PIEZO2: variants seen among roughly 807,000 people sequenced by gnomAD.
The protein encoded by PIEZO2 is piezo-type mechanosensitive ion channel component 2.
Under a neutral mutation model 337.3 loss-of-function variants are expected in PIEZO2, and 172 were observed. The observed-to-expected ratio is 0.51, with a 90% CI of 0.45 to 0.58. The LOEUF is 0.58. Ranked by LOEUF, PIEZO2 falls within the 20% of genes least tolerant of loss-of-function variation. The pLI, the probability that PIEZO2 is intolerant of heterozygous loss-of-function variation, is 0.00. For missense variants in PIEZO2, 3,028 were observed against 3,391.3 expected (o/e 0.89, Z 2.66); for synonymous variants, 1,251 against 1,228.5 (o/e 1.02, Z -0.38).
rs2040258028 is a variant in PIEZO2 at position 10,813,343 on chromosome 18, A to C, written c.918-6069T>G. ...ATTACACTCATATTGTTGCGAAACC[A>C]ATCGCCAGAACTTTTTCATCTTGCA... On this transcript the variant is annotated intron_variant, in intron 7 of 55. Coordinates refer to ENST00000674853, the MANE Select transcript of PIEZO2 (RefSeq NM_001378183.1). The surrounding 1 kb of genome is among the most constrained non-coding windows in gnomAD (Gnocchi z 4.2). 6.6e-6 allele frequency among the ~76,000 whole-genome samples: 1 copy of C among 152,198 alleles called. No homozygotes were observed. The highest frequency in any genetic ancestry group is 2.4e-5 in the African/African-American group (1 of 41,446).
intron 4 of PIEZO2, among the ~76,000 whole-genome samples, chr18:10,883,175 G>C (rs1229384632): frequency 6.6e-6 from 1 of 152,120 alleles, no homozygotes; most frequent in Non-Finnish European, 1.5e-5. Context: ...TCTGTTGATG[G>C]ACACAGGTTG....
In PIEZO2 at chr18:11,126,427, G is replaced by T. The variant is rs1359374900; in HGVS notation, c.64+22098C>A. On this transcript the variant is annotated intron_variant, in intron 1 of 55. Coordinates refer to ENST00000674853, the MANE Select transcript of PIEZO2 (RefSeq NM_001378183.1). This position sits in a 1 kb window ranked among gnomAD's most constrained non-coding sequence, Gnocchi z 4.6. ...ACTGTTCCATCTTACTGTCCCCTAGGCCTGGTAAAGGGCACTCCTCACACA... is the reference window on the plus strand; with the variant it reads ...ACTGTTCCATCTTACTGTCCCCTAGTCCTGGTAAAGGGCACTCCTCACACA... Among the ~76,000 whole-genome samples, 5 of 152,032 alleles carry T rather than the reference G, an allele frequency of 3.3e-5. No homozygotes were observed. Among genetic ancestry groups the T allele is most frequent in the Admixed American group, 3.3e-4 (5 of 15,262 alleles).
At chr18:10,998,781 G>A (rs2035426577) in intron 2 of PIEZO2, among the ~76,000 whole-genome samples, 1 of 150,572 alleles carries the variant, frequency 6.6e-6, no homozygotes, top group Non-Finnish European at 1.5e-5. Flanking sequence ...AATAAGGAAA[G>A]GAAGTAGAGT....
chr18:10,764,582 T>C (rs1356218843), intron 21 of PIEZO2, among the ~76,000 whole-genome samples: 1 of 121,728 alleles, frequency 8.2e-6, no homozygotes, highest in Non-Finnish European at 1.6e-5. Flanking sequence ...AGAGTGACAC[T>C]ACGTCTCAAA....
Position 11,101,893 on chromosome 18 carries a change from C to A in PIEZO2, c.65-35671G>T, listed in dbSNP as rs2039431680. ...TACTTATAAGCTATCAAATTTGAAA[C>A]CACACACTAATTTGTAACATGAGTA... On this transcript the variant is annotated intron_variant, in intron 1 of 55. Coordinates refer to ENST00000674853, the MANE Select transcript of PIEZO2 (RefSeq NM_001378183.1). The surrounding 1 kb of genome is among the most constrained non-coding windows in gnomAD (Gnocchi z 4.4). Among the ~76,000 whole-genome samples the A allele has an allele frequency of 6.6e-6, 1 of 152,152 alleles. No individual in the cohort carries two copies. Among genetic ancestry groups the A allele is most frequent in the African/African-American group, 2.4e-5 (1 of 41,416 alleles).
Position 10,726,815 on chromosome 18 carries a change from T to G in PIEZO2, c.5029+4592A>C. 2 of 1,567,606 alleles carry G rather than the reference T, an allele frequency of 1.3e-6. No homozygotes were observed. Among genetic ancestry groups the G allele is most frequent in the Non-Finnish European group, 1.7e-6 (2 of 1,143,162 alleles). ...GTGGACCACCTGCGGCCCCATGGGG[T>G]GCTGGATAATACCCGGATGCCCCAC... is the stretch of plus-strand genomic sequence containing the variant. On this transcript the variant is annotated intron_variant, in intron 36 of 55. Transcript: ENST00000674853. The surrounding 1 kb of genome is among the most constrained non-coding windows in gnomAD (Gnocchi z 5.9).
At chr18:11,118,474 A>C (rs2039947641) in intron 1 of PIEZO2, among the ~76,000 whole-genome samples, 1 of 152,262 alleles carries the variant, frequency 6.6e-6, no homozygotes, top group African/African-American at 2.4e-5. Context: ...AGAACATTAT[A>C]GAAAATAGTA....
In PIEZO2 at chr18:10,942,389, G is replaced by A. The variant is rs1164360565; in HGVS notation, c.287-31161C>T. On this transcript the variant is annotated intron_variant, in intron 3 of 55. Coordinates refer to ENST00000674853, the MANE Select transcript of PIEZO2 (RefSeq NM_001378183.1). This position sits in a 1 kb window ranked among gnomAD's most constrained non-coding sequence, Gnocchi z 4.4. ...TAATGATATGAGCAATGAAATCCAG[G>A]CTGAGGTGGTCTCAGATGTAGATGA... Among the ~76,000 whole-genome samples, 1 of 152,210 alleles carries A rather than the reference G, an allele frequency of 6.6e-6. No homozygotes were observed. Among genetic ancestry groups the A allele is most frequent in the Non-Finnish European group, 1.5e-5 (1 of 68,030 alleles).
At chr18:10,880,657 G>A (rs1598621773) in intron 4 of PIEZO2, among the ~76,000 whole-genome samples, 1 of 151,780 alleles carries the variant, frequency 6.6e-6, no homozygotes, top group East Asian at 1.9e-4. Context: ...CTGTTAAGAT[G>A]GTTCCCTAGT....
In PIEZO2 at chr18:10,870,443, C is replaced by T. The variant is rs761526664; in HGVS notation, c.492+810G>A. Reference sequence around the variant, plus strand: ...CTTGCAAGCGTTTTGCATCAAATGTCCAAATAAAATAGTCACTTTTTCCTT... The same window carrying T: ...CTTGCAAGCGTTTTGCATCAAATGTTCAAATAAAATAGTCACTTTTTCCTT... On this transcript the variant is annotated intron_variant, in intron 5 of 55. Coordinates refer to ENST00000674853, the MANE Select transcript of PIEZO2 (RefSeq NM_001378183.1). This position sits in a 1 kb window ranked among gnomAD's most constrained non-coding sequence, Gnocchi z 5.3. Among the ~76,000 whole-genome samples the T allele has an allele frequency of 1.4e-4, 21 of 152,156 alleles. No individual in the cohort carries two copies. Among genetic ancestry groups the T allele is most frequent in the Admixed American group, 5.2e-4 (8 of 15,276 alleles).
At position 11,092,365 on chromosome 18, in the gene PIEZO2, C is replaced by G. The variant is rs2039118246; in HGVS notation, c.65-26143G>C. On this transcript the variant is annotated intron_variant, in intron 1 of 55. Coordinates refer to ENST00000674853, the MANE Select transcript of PIEZO2 (RefSeq NM_001378183.1). The surrounding 1 kb of genome is among the most constrained non-coding windows in gnomAD (Gnocchi z 4.5). ...TAATAAATACAGAAAACTAAAAATACTATATTCCATGTGATTCAATTTTAT... is the reference window on the plus strand; with the variant it reads ...TAATAAATACAGAAAACTAAAAATAGTATATTCCATGTGATTCAATTTTAT... Among the ~76,000 whole-genome samples, 1 of 152,114 alleles carries G rather than the reference C, an allele frequency of 6.6e-6. No homozygotes were observed. Among genetic ancestry groups the G allele is most frequent in the Admixed American group, 6.5e-5 (1 of 15,274 alleles).
intron 3 of PIEZO2, among the ~76,000 whole-genome samples, chr18:10,955,264 T>C (rs796284624): frequency 1.3e-5 from 2 of 152,188 alleles, no homozygotes; most frequent in Non-Finnish European, 2.9e-5. Flanking sequence ...AAAAGGACTT[T>C]AGGAAGAGCA....
At chr18:10,950,513 A>C (rs1213346293) in intron 3 of PIEZO2, among the ~76,000 whole-genome samples, 1 of 152,234 alleles carries the variant, frequency 6.6e-6, no homozygotes, top group Non-Finnish European at 1.5e-5. Context: ...TCACCGGGTG[A>C]ATATTACTTG....
At position 10,716,944 on chromosome 18, in the gene PIEZO2, G is replaced by C. The variant is rs2036034603; in HGVS notation, c.5090-1128C>G. On this transcript the variant is annotated intron_variant, in intron 37 of 55. Transcript: ENST00000674853. This position sits in a 1 kb window ranked among gnomAD's most constrained non-coding sequence, Gnocchi z 4.1. The stretch of plus-strand genomic sequence containing the variant: ...GCTGCAGCCACCGCACTGGAGACGT[G>C]AATCACAGGCGCTTTGTGAACCTGG... Among the ~76,000 whole-genome samples the C allele has an allele frequency of 6.6e-6, 1 of 152,152 alleles. No homozygotes were observed. Among genetic ancestry groups the C allele is most frequent in the Non-Finnish European group, 1.5e-5 (1 of 68,044 alleles).
chr18:10,844,353 G>A (rs1405077524), intron 7 of PIEZO2, among the ~76,000 whole-genome samples: 4 of 151,626 alleles, frequency 2.6e-5, no homozygotes, highest in Admixed American at 2.6e-4. Flanking sequence ...CTCGGAGGCG[G>A]GAGTTGCAGT....
In PIEZO2 at chr18:10,894,277, T is replaced by G. The variant is rs1393952917; in HGVS notation, c.329+16909A>C. On this transcript the variant is annotated intron_variant, in intron 4 of 55. Coordinates refer to ENST00000674853, the MANE Select transcript of PIEZO2 (RefSeq NM_001378183.1). The surrounding 1 kb of genome is among the most constrained non-coding windows in gnomAD (Gnocchi z 4.1). ...GACCAGCCTGGCCAACATGGAGAAATCCCCTCTGTACTAAAAATACAAAAA... is the reference window on the plus strand; with the variant it reads ...GACCAGCCTGGCCAACATGGAGAAAGCCCCTCTGTACTAAAAATACAAAAA... 6.6e-6 allele frequency among the ~76,000 whole-genome samples: 1 copy of G among 150,950 alleles called. No homozygotes were observed. Among genetic ancestry groups the G allele is most frequent in the Admixed American group, 6.6e-5 (1 of 15,158 alleles).
Position 10,709,346 on chromosome 18 carries a change from C to CA in PIEZO2, c.5424-908dup, listed in dbSNP as rs1426883172. On this transcript the variant is annotated intron_variant, in intron 39 of 55. Coordinates refer to ENST00000674853, the MANE Select transcript of PIEZO2 (RefSeq NM_001378183.1). ...GAGGCACACAGAGGTGTGACACACG[C>CA]ATAGTTTCAGTTCCCACACATGGCT... The CA allele has an allele frequency of 7.9e-5, 12 of 152,336 alleles. No homozygotes were observed. The East Asian group carries it at 2.3e-3, about 29-fold the overall frequency. 9.4% of individuals were successfully genotyped at this position (152,336 alleles called of 1,614,324 possible).
chr18:10,723,439 C>T (rs1474633941), intron 36 of PIEZO2, among the ~76,000 whole-genome samples: 2 of 151,942 alleles, frequency 1.3e-5, no homozygotes, highest in African/African-American at 4.8e-5. Flanking sequence ...ATAGATGACT[C>T]GAGGTATGTG....
At chr18:10,975,278 G>A (rs912117129) in intron 3 of PIEZO2, among the ~76,000 whole-genome samples, 2 of 152,092 alleles carry the variant, frequency 1.3e-5, no homozygotes, top group East Asian at 1.9e-4. Context: ...CATCTAACAC[G>A]GAGTCAAACA....
Sources: allele counts gnomAD v4.1 joint callset (sites outside exome capture counted in the v4.1 genomes callset), GRCh38; gene constraint gnomAD v4.1.1; non-coding constraint Gnocchi (gnomAD v3.1); transcripts MANE v1.5; gene names NCBI Gene and HGNC (gene_info 2026-07-23, HGNC 2026-07-21).